The following PHACTR3 variants were observed in gnomAD, a reference collection of about 807,000 sequenced individuals.
The protein encoded by PHACTR3 is protein phosphatase 1, regulatory subunit 123.
A neutral mutation model predicts 66.8 loss-of-function variants in PHACTR3; 16 were observed. The ratio of observed to expected loss-of-function variants is 0.24; its 90% CI spans 0.16 to 0.36. The LOEUF (loss-of-function observed/expected upper bound fraction) is 0.36. Ranked by LOEUF, PHACTR3 falls within the 10% of genes least tolerant of loss-of-function variation. PHACTR3 has a pLI of 1.00. For missense variants in PHACTR3, 647 were observed against 719.9 expected, an observed-to-expected ratio of 0.90 and a Z score of 1.16; for synonymous variants, 323 against 292.1, an observed-to-expected ratio of 1.11 and a Z score of -1.08.
chr20:59,613,727 T>A (rs2033935236), intron 1 of PHACTR3, among the ~76,000 whole-genome samples: 1 of 152,218 alleles, frequency 6.6e-6, no homozygotes, highest in African/African-American at 2.4e-5. Flanking sequence ...TAGTTGCCCT[T>A]TCAAACCTCA....
rs1003003840 is a variant in PHACTR3 at position 59,644,621 on chromosome 20, C to G, written c.118+39489C>G. ...ATCCTTTGGCGGTACGAGACAGAAG[C>G]TGGTGGTCCTGTGCTGCCTGTGGCC... On this transcript the variant is annotated intron_variant, in intron 1 of 12. Coordinates refer to ENST00000371015, the MANE Select transcript of PHACTR3 (RefSeq NM_080672.5). Among the ~76,000 whole-genome samples the G allele has an allele frequency of 2.6e-5, 4 of 152,208 alleles. No homozygotes were observed. In the South Asian group the frequency reaches 8.3e-4, roughly 31 times the overall value.
Position 59,829,717 on chromosome 20 carries a change from G to A in PHACTR3, c.1329-6788G>A, listed in dbSNP as rs968772157. Among the ~76,000 whole-genome samples the A allele has an allele frequency of 5.3e-5, 8 of 152,364 alleles. No individual in the cohort carries two copies. The highest frequency in any genetic ancestry group is 9.6e-5 in the African/African-American group (4 of 41,586). On this transcript the variant is annotated intron_variant, in intron 8 of 12. Coordinates refer to ENST00000371015, the MANE Select transcript of PHACTR3 (RefSeq NM_080672.5). The surrounding 1 kb of genome is among the most constrained non-coding windows in gnomAD (Gnocchi z 4.2). ...AGAAAGGAGCCTCCCAAAATAGCCC[G>A]GGCGTCCCCTGTGGGTGTCGAGCTG...
At chr20:59,668,015 T>C (rs986610940) in intron 1 of PHACTR3, among the ~76,000 whole-genome samples, 5 of 152,142 alleles carry the variant, frequency 3.3e-5, no homozygotes, top group Admixed American at 6.5e-5. Context: ...TGTATACACC[T>C]GTACCGAGGC....
At chr20:59,778,308 C>T (rs940266408) in intron 7 of PHACTR3, among the ~76,000 whole-genome samples, 10 of 152,184 alleles carry the variant, frequency 6.6e-5, no homozygotes, top group Non-Finnish European at 1.5e-4. Flanking sequence ...GCCACATCCT[C>T]CCTAGTGCCT....
intron 8 of PHACTR3, among the ~76,000 whole-genome samples, chr20:59,815,061 A>G (rs990631353): frequency 6.6e-6 from 1 of 152,038 alleles, no homozygotes; most frequent in Non-Finnish European, 1.5e-5. Context: ...GTCCCTGTGG[A>G]CCCAGGCTGG....
intron 7 of PHACTR3, among the ~76,000 whole-genome samples, chr20:59,782,504 G>C (rs139467233): frequency 6.6e-6 from 1 of 152,078 alleles, no homozygotes; most frequent in Non-Finnish European, 1.5e-5. Flanking sequence ...CACCCACCTC[G>C]GCCTCTCAAA....
chr20:59,719,983 T>C (rs1011135717), intron 1 of PHACTR3, among the ~76,000 whole-genome samples: 6 of 152,138 alleles, frequency 3.9e-5, no homozygotes, highest in South Asian at 2.1e-4. Flanking sequence ...CCAAATGATA[T>C]TGTAGATGCC....
intron 3 of PHACTR3, among the ~76,000 whole-genome samples, chr20:59,750,147 C>A (rs2039523641): frequency 6.6e-6 from 1 of 151,842 alleles, no homozygotes; most frequent in South Asian, 2.1e-4. Context: ...AAAAAGCCGG[C>A]AACTCACGAC....
intron 1 of PHACTR3, among the ~76,000 whole-genome samples, chr20:59,721,999 T>C (rs748775991): frequency 2.6e-5 from 4 of 152,048 alleles, no homozygotes; most frequent in African/African-American, 9.7e-5. Flanking sequence ...GGGAGGCCGA[T>C]GCAGGCAGAT....
At chr20:59,604,090 G>A (rs370033125), upstream of PHACTR3, 14 of 152,946 alleles carry the variant, frequency 9.2e-5, no homozygotes, top group African/African-American at 1.7e-4. Flanking sequence ...AGGAGGGTTC[G>A]GAGCGAGGGT....
intron 1 of PHACTR3, among the ~76,000 whole-genome samples, chr20:59,662,615 G>A (rs1013648170): frequency 4.6e-5 from 7 of 152,310 alleles, no homozygotes; most frequent in African/African-American, 1.4e-4. Flanking sequence ...TAAAACGAAA[G>A]GGAAGAAGTT....
intron 8 of PHACTR3, among the ~76,000 whole-genome samples, chr20:59,815,427 T>TG (rs1437875861): frequency 4.0e-5 from 6 of 149,298 alleles, no homozygotes; most frequent in African/African-American, 1.0e-4. Context: ...GGTTTTTTTT[T>TG]TTTTGTTTTT....
intron 1 of PHACTR3, among the ~76,000 whole-genome samples, chr20:59,584,555 G>A (rs4812113): frequency 0.54 from 82,199 of 152,038 alleles, 22,511 homozygotes; most frequent in Admixed American, 0.65. Context: ...GAGTGTGTAC[G>A]TGCATGAGTG....
intron 1 of PHACTR3, among the ~76,000 whole-genome samples, chr20:59,596,769 T>G (rs1197482279): frequency 6.6e-6 from 1 of 152,232 alleles, no homozygotes; most frequent in African/African-American, 2.4e-5. Context: ...TATTTTTGCA[T>G]CTGTTTTGTG....
rs1243939632 is a variant in PHACTR3 at position 59,629,224 on chromosome 20, C to T, written c.118+24092C>T. Among the ~76,000 whole-genome samples, 4 of 152,342 alleles carry T rather than the reference C, an allele frequency of 2.6e-5. No individual in the cohort carries two copies. The East Asian group carries it at 5.8e-4, about 22-fold the overall frequency. On this transcript the variant is annotated intron_variant, in intron 1 of 12. Coordinates refer to ENST00000371015, the MANE Select transcript of PHACTR3 (RefSeq NM_080672.5). ...CTGCTTCCTTTTCTCTACGTTGTGC[C>T]CCCACCATGCTCCAGTGGCAGGGGC...
rs1238429785 is a variant in PHACTR3 at position 59,847,691 on chromosome 20, C to G, written c.*561C>G. 1 of 152,554 alleles carries G rather than the reference C, an allele frequency of 6.6e-6. No homozygotes were observed. The allele number at this position is 152,554 out of a possible 1,614,324, so 9.5% of individuals were successfully genotyped here. A position where few individuals can be genotyped will look rare whatever the true frequency, so the allele number is the denominator to read the frequency against. ...TTAATTTTGTTCTTTAATTAAATGA[C>G]TACTTATTGCAGGAAATTAACCCAG... is the stretch of plus-strand genomic sequence containing the variant. On this transcript the variant is annotated 3_prime_UTR_variant, in exon 13 of 13. Transcript: ENST00000371015.
chr20:59,785,586 C>T (rs1189600005), intron 7 of PHACTR3, among the ~76,000 whole-genome samples: 3 of 152,222 alleles, frequency 2.0e-5, no homozygotes, highest in Middle Eastern at 3.4e-3. Context: ...GGGGAGGAAG[C>T]GGGAGATGAT....
At chr20:59,687,354 T>G (rs1409083772) in intron 1 of PHACTR3, among the ~76,000 whole-genome samples, 1 of 152,078 alleles carries the variant, frequency 6.6e-6, no homozygotes, top group Non-Finnish European at 1.5e-5. Flanking sequence ...GTTGTTACCT[T>G]GTAGTAGATT....
At chr20:59,585,302 ATGT>A (rs1318609902) in intron 1 of PHACTR3, among the ~76,000 whole-genome samples, 1 of 152,066 alleles carries the variant, frequency 6.6e-6, no homozygotes, top group Non-Finnish European at 1.5e-5. Context: ...GTTGGAGGTG[ATGT>A]TGTGGCCATT....
Sources: allele counts gnomAD v4.1 joint callset (sites outside exome capture counted in the v4.1 genomes callset), GRCh38; gene constraint gnomAD v4.1.1; non-coding constraint Gnocchi (gnomAD v3.1); transcripts MANE v1.5; gene names NCBI Gene and HGNC (gene_info 2026-07-23, HGNC 2026-07-21).